KDM5B: variants seen among roughly 807,000 people sequenced by gnomAD.
The protein encoded by KDM5B is lysine demethylase 5B, also known as lysine-specific demethylase 5B.
KDM5B carries 144 observed loss-of-function variants against 193.4 expected under a neutral mutation model. The observed-to-expected ratio is 0.74, with a 90% confidence interval of 0.65 to 0.86. KDM5B has a LOEUF of 0.86. KDM5B is among the 40% of genes least tolerant of loss of function. The pLI is 0.00. For synonymous variants in KDM5B, 668 were observed against 682.6 expected (o/e 0.98, Z 0.33); for missense variants, 1,833 against 1,886.9 (o/e 0.97, Z 0.53).
chr1:202,729,109 G>T lies in KDM5B; in HGVS notation c.4562C>A (p.Ser1521Tyr). Residue 1521 changes from serine (S) to tyrosine (Y), a missense_variant, in exon 27 of 27, where the codon TCC becomes TAC. By Grantham distance (144) the Ser-to-Tyr change is moderately radical. Coordinates refer to ENST00000367265, the MANE Select transcript of KDM5B (RefSeq NM_006618.5). ...GTCTTCTTTCTCTGCCATCTCTGGGGAGACACCAACACAGACCTGATGAAA... is the reference window on the plus strand; with the variant it reads ...GTCTTCTTTCTCTGCCATCTCTGGGTAGACACCAACACAGACCTGATGAAA... ...QWFHQVCVGV[S>Y]PEMAEKEDYI... The T allele has an allele frequency of 6.2e-7, 1 of 1,614,102 alleles. No individual in the cohort carries two copies. Among genetic ancestry groups the T allele is most frequent in the Non-Finnish European group, 8.5e-7 (1 of 1,179,994 alleles).
chr1:202,799,337 A>C (rs556429996), intron 1 of KDM5B, among the ~76,000 whole-genome samples: 1 of 152,192 alleles, frequency 6.6e-6, no homozygotes, highest in Non-Finnish European at 1.5e-5. Flanking sequence ...CCTCTTTTAC[A>C]TAATAGAGGA....
rs1476202127 is a variant in KDM5B, at chr1:202,733,665, G to T, written c.3645C>A (p.Ile1215=). 3.1e-6 allele frequency: 5 copies of T among 1,614,178 alleles called. No homozygotes were observed. Among genetic ancestry groups the T allele is most frequent in the Non-Finnish European group, 4.2e-6 (5 of 1,180,024 alleles). ...ACCTCCGACAATGGGGACAAAGCCAGATTCGCAGGCCCTGTGAAATACTGG... is the reference window on the plus strand; with the variant it reads ...ACCTCCGACAATGGGGACAAAGCCATATTCGCAGGCCCTGTGAAATACTGG... The part of the protein sequence containing the change: ...AVPSISQGLR[I]WLCPHCRRSE... Residue 1215 remains isoleucine (I), a synonymous_variant, in exon 23 of 27, where the codon ATC becomes ATA. Transcript: ENST00000367265.
chr1:202,728,888 C>A lies in KDM5B; in HGVS notation c.*148G>T. On this transcript the variant is annotated 3_prime_UTR_variant, in exon 27 of 27. Coordinates refer to ENST00000367265, the MANE Select transcript of KDM5B (RefSeq NM_006618.5). ...TGTTTTTTCTTTTCTTCAAAGAGTC[C>A]TGGAAAAATGATCCCATAAGGAATA... 1.1e-6 allele frequency: 1 copy of A among 887,274 alleles called. No homozygotes were observed. The allele number at this position is 887,274 out of a possible 1,614,324, so 55.0% of individuals were successfully genotyped here. A position where few individuals can be genotyped will look rare whatever the true frequency, so the allele number is the denominator to read the frequency against.
At chr1:202,762,862 A>AACTCT (rs71142551) in intron 6 of KDM5B, 54 bp from the exon 7 acceptor site, 1 of 929,836 alleles carries the variant, frequency 1.1e-6, no homozygotes, top group Non-Finnish European at 1.8e-6. Flanking sequence ...CCACTTCCTC[A>AACTCT]TCATCTCCCT....
chr1:202,776,949 A>G (rs1021008096), intron 2 of KDM5B, 68 bp downstream of exon 2: 25 of 962,048 alleles, frequency 2.6e-5, no homozygotes, highest in Middle Eastern at 2.1e-4. Flanking sequence ...CAATTTTAAT[A>G]TATCGTAATA....
chr1:202,755,245 C>G, intron 11 of KDM5B, 26 bp downstream of exon 11: 2 of 1,597,516 alleles, frequency 1.3e-6, no homozygotes, highest in Non-Finnish European at 1.7e-6. Flanking sequence ...GCATACTACT[C>G]ATGGGTTCTT....
At chr1:202,775,883 T>A (rs201149320) in intron 2 of KDM5B, among the ~76,000 whole-genome samples, 13,585 of 81,416 alleles carry the variant, frequency 0.17, 1,225 homozygotes, top group Middle Eastern at 0.21. Context: ...AAAAAAAATA[T>A]ATATATATAT....
chr1:202,808,008 T>TCCCCGCC, intron 1 of KDM5B, 94 bp downstream of exon 1: 1 of 1,286,678 alleles, frequency 7.8e-7, no homozygotes, highest in Non-Finnish European at 1.0e-6. Context: ...GGCGACCGGC[T>TCCCCGCC]CCCCGCCCCC....
At position 202,745,810 on chromosome 1, in the gene KDM5B, A is replaced by G. The variant is rs574349563; in HGVS notation, c.2323+48T>C. 3 of 1,608,396 alleles carry G rather than the reference A, an allele frequency of 1.9e-6. No homozygotes were observed. In the African/African-American group the frequency reaches 4.0e-5, roughly 21 times the overall value. ...GTTGACTTTAATTTGGCTACATCAC[A>G]ATAAGCCCCAATTTGCCAATCACCA... On this transcript the variant is annotated intron_variant, in intron 16 of 26. Transcript: ENST00000367265.
chr1:202,766,245 C>T (rs376990994), intron 5 of KDM5B, among the ~76,000 whole-genome samples: 1 of 152,060 alleles, frequency 6.6e-6, no homozygotes, highest in African/African-American at 2.4e-5. Flanking sequence ...ATGGCTCACG[C>T]CTGTAATCCC....
intron 1 of KDM5B, among the ~76,000 whole-genome samples, chr1:202,794,103 C>G (rs1413008128): frequency 6.6e-6 from 1 of 152,140 alleles, no homozygotes; most frequent in Non-Finnish European, 1.5e-5. Flanking sequence ...TCTCTTATAT[C>G]CACCCCTTTC....
At chr1:202,780,221 C>T (rs961314810) in intron 1 of KDM5B, among the ~76,000 whole-genome samples, 5 of 151,984 alleles carry the variant, frequency 3.3e-5, no homozygotes, top group Non-Finnish European at 1.5e-5. Context: ...CATGCTGTCA[C>T]CCAGGCTGGA....
chr1:202,749,153 C>T lies in KDM5B; in HGVS notation c.1822-14G>A, dbSNP rs375525570. ...GCCTAATGGCAGCTGTATCAAAACACGGAAAGAAAAAAATAACATTCATCT... is the reference window on the plus strand; with the variant it reads ...GCCTAATGGCAGCTGTATCAAAACATGGAAAGAAAAAAATAACATTCATCT... On this transcript the variant is annotated splice_polypyrimidine_tract_variant and intron_variant, in intron 13 of 26. Transcript: ENST00000367265. 4.4e-6 allele frequency: 7 copies of T among 1,594,488 alleles called. No homozygotes were observed. The highest frequency in any genetic ancestry group is 2.3e-5 in the South Asian group (2 of 87,972).
chr1:202,730,157 T>A, intron 25 of KDM5B, 130 bp from the exon 26 acceptor site: 1 of 773,442 alleles, frequency 1.3e-6, no homozygotes, highest in Non-Finnish European at 2.0e-6. Flanking sequence ...AAATACTGCA[T>A]CTTAACCACT....
At position 202,780,264 on chromosome 1, in the gene KDM5B, A is replaced by G. The variant is rs368259877; in HGVS notation, c.205-3170T>C. 8.5e-5 allele frequency among the ~76,000 whole-genome samples: 13 copies of G among 152,164 alleles called. No homozygotes were observed. In the East Asian group the frequency reaches 2.5e-3, roughly 29 times the overall value. ...GGCACAGTCTTCACTCACTGCAAGCAAGAATTGAACATCCCGGGTTCAAGC... is the reference window on the plus strand; with the variant it reads ...GGCACAGTCTTCACTCACTGCAAGCGAGAATTGAACATCCCGGGTTCAAGC... On this transcript the variant is annotated intron_variant, in intron 1 of 26. Transcript: ENST00000367265.
rs61270918 is a variant in KDM5B at position 202,724,746 on chromosome 1, T to TTG, written c.*4288_*4289dup. On this transcript the variant is annotated 3_prime_UTR_variant, in exon 27 of 27. Coordinates refer to ENST00000367265, the MANE Select transcript of KDM5B (RefSeq NM_006618.5). ...ACACAGAAGGGGCTTGTGTGTGTGT[T>TTG]TGTGTGTGTGTGTGTGTTCACAGCA... 0.62 allele frequency: 93,267 copies of TTG among 150,564 alleles called. 30,862 individuals are homozygous for TTG. The highest frequency in any genetic ancestry group is 0.76 in the Middle Eastern group (214 of 282). The allele number at this position is 150,564 out of a possible 1,614,324, so 9.3% of individuals were successfully genotyped here.
At position 202,731,908 on chromosome 1, in the gene KDM5B, G is replaced by T; in HGVS notation, c.3941C>A (p.Ser1314Tyr). 6.2e-7 allele frequency: 1 copy of T among 1,613,288 alleles called. No individual in the cohort carries two copies. The highest frequency in any genetic ancestry group is 8.5e-7 in the Non-Finnish European group (1 of 1,179,670). ...VSQPPGTTSF[S>Y]LPDDWDNRTS... Reference sequence around the variant, plus strand: ...TCTGTTGTCCCAGTCATCAGGCAAAGAAAATGATGTTGTGCCAGGAGGTTG... The same window carrying T: ...TCTGTTGTCCCAGTCATCAGGCAAATAAAATGATGTTGTGCCAGGAGGTTG... Residue 1314 changes from serine (S) to tyrosine (Y), a missense_variant, in exon 24 of 27, where the codon TCT becomes TAT. By Grantham distance (144) the Ser-to-Tyr change is moderately radical (BLOSUM62 -2). Transcript: ENST00000367265.
At chr1:202,777,923 C>T (rs1159245702) in intron 1 of KDM5B, among the ~76,000 whole-genome samples, 7 of 152,082 alleles carry the variant, frequency 4.6e-5, no homozygotes, top group Non-Finnish European at 1.0e-4. Context: ...ACCTGTAATC[C>T]TAGCACTTTG....
intron 14 of KDM5B, 72 bp downstream of exon 14, chr1:202,748,871 GAT>G (rs1223574124): frequency 1.2e-5 from 14 of 1,186,690 alleles, no homozygotes; most frequent in Non-Finnish European, 1.7e-5. Flanking sequence ...TGCTTAAAAT[GAT>G]ATTAAAGTGC....
Sources: gnomAD v4.1 joint callset for allele counts (sites outside exome capture counted in the v4.1 genomes callset) on GRCh38, gnomAD v4.1.1 for gene constraint, MANE v1.5 for transcripts, NCBI Gene and HGNC (gene_info 2026-07-23, HGNC 2026-07-21) for gene names.